The following KIAA0825 variants were observed in gnomAD, a reference collection of about 807,000 sequenced individuals.
The protein encoded by KIAA0825 is uncharacterized protein KIAA0825.
In KIAA0825, 119 loss-of-function variants were observed where a neutral mutation model predicts 147.6. The ratio of observed to expected loss-of-function variants is 0.81; its 90% CI spans 0.69 to 0.94. The LOEUF (loss-of-function observed/expected upper bound fraction) is 0.94. KIAA0825 is among the 40% of genes least tolerant of loss of function. The probability of loss-of-function intolerance (pLI) is 0.00; values close to 1 mark genes in which losing one functional copy is unlikely to be tolerated. For missense variants in KIAA0825, 1,381 were observed against 1,472.7 expected, an observed-to-expected ratio of 0.94 and a Z score of 1.02; for synonymous variants, 470 against 518.1, an observed-to-expected ratio of 0.91 and a Z score of 1.26.
intron 1 of KIAA0825, among the ~76,000 whole-genome samples, chr5:94,614,738 T>G (rs1476226362): frequency 2.6e-5 from 4 of 152,148 alleles, no homozygotes; most frequent in Non-Finnish European, 2.9e-5. Flanking sequence ...TGCATTCCCA[T>G]GTTTTGTGTT....
At chr5:94,570,478 A>G (rs1779757309) in intron 2 of KIAA0825, 1 of 152,372 alleles carries the variant, frequency 6.6e-6, no homozygotes, top group Admixed American at 6.5e-5. Context: ...CCAAACAACA[A>G]AGCATAATAT....
In KIAA0825 at chr5:94,503,548, C is replaced by T. The variant is rs547761595; in HGVS notation, c.970+16700G>A. Reference sequence around the variant, plus strand: ...GACGGCCCCTGGTGAGACCCCACTGCCTTACAAATCAGGACACATGTCCTC... The same window carrying T: ...GACGGCCCCTGGTGAGACCCCACTGTCTTACAAATCAGGACACATGTCCTC... On this transcript the variant is annotated intron_variant, in intron 5 of 20. Transcript: ENST00000682413. Among the ~76,000 whole-genome samples, 7 of 152,234 alleles carry T rather than the reference C, an allele frequency of 4.6e-5. No individual in the cohort carries two copies. The South Asian group carries it at 1.2e-3, about 27-fold the overall frequency.
At chr5:94,223,522 A>T (rs1477140989) in intron 20 of KIAA0825, among the ~76,000 whole-genome samples, 5 of 152,190 alleles carry the variant, frequency 3.3e-5, no homozygotes, top group Non-Finnish European at 7.4e-5. Flanking sequence ...CCTACAGGAA[A>T]CAGAAGCCAC....
chr5:94,199,490 AG>A (rs1389566295), intron 20 of KIAA0825, among the ~76,000 whole-genome samples: 1 of 152,082 alleles, frequency 6.6e-6, no homozygotes, highest in Admixed American at 6.5e-5. Flanking sequence ...CTGATGGGGA[AG>A]GGGGGTGTGG....
intron 1 of KIAA0825, among the ~76,000 whole-genome samples, chr5:94,607,632 A>C (rs943035195): frequency 6.6e-6 from 1 of 152,084 alleles, no homozygotes; most frequent in Non-Finnish European, 1.5e-5. Context: ...CAAACAAACA[A>C]ACAAAAAACA....
intron 20 of KIAA0825, among the ~76,000 whole-genome samples, chr5:94,303,534 G>A (rs1250749604): frequency 6.6e-6 from 1 of 151,948 alleles, no homozygotes; most frequent in African/African-American, 2.4e-5. Flanking sequence ...TTTCACAAAA[G>A]CTATTTTAAA....
chr5:94,352,884 G>A (rs370613175), intron 20 of KIAA0825, among the ~76,000 whole-genome samples: 57 of 151,264 alleles, frequency 3.8e-4, no homozygotes, highest in Middle Eastern at 6.8e-3. Context: ...ATGAGGATGC[G>A]AAGGCATAAG....
At chr5:94,217,170 G>A (rs909024002) in intron 20 of KIAA0825, among the ~76,000 whole-genome samples, 1 of 152,024 alleles carries the variant, frequency 6.6e-6, no homozygotes, top group African/African-American at 2.4e-5. Context: ...ACCAAAGGAA[G>A]CATTTAAAAT....
At chr5:94,271,449 C>G (rs1278976457) in intron 20 of KIAA0825, among the ~76,000 whole-genome samples, 1 of 151,992 alleles carries the variant, frequency 6.6e-6, no homozygotes, top group Non-Finnish European at 1.5e-5. Flanking sequence ...TAAAAATGAT[C>G]AAAAGATCTG....
intron 2 of KIAA0825, among the ~76,000 whole-genome samples, chr5:94,558,131 C>T (rs1292726895): frequency 1.3e-5 from 2 of 152,156 alleles, no homozygotes; most frequent in South Asian, 2.1e-4. Context: ...AGAGCTATAA[C>T]ACTCACCGCA....
At chr5:94,247,613 C>A (rs1235102153) in intron 20 of KIAA0825, among the ~76,000 whole-genome samples, 1 of 152,086 alleles carries the variant, frequency 6.6e-6, no homozygotes, top group Admixed American at 6.6e-5. Context: ...TTATCCAGCA[C>A]GTATTTTGCT....
chr5:94,379,021 T>G (rs185937650), intron 20 of KIAA0825, among the ~76,000 whole-genome samples: 1 of 152,354 alleles, frequency 6.6e-6, no homozygotes, highest in East Asian at 1.9e-4. Context: ...GTCAGATGCA[T>G]AGTTTGCAAG....
At chr5:94,172,389 A>G (rs970745558) in intron 20 of KIAA0825, among the ~76,000 whole-genome samples, 9 of 152,240 alleles carry the variant, frequency 5.9e-5, no homozygotes, top group Non-Finnish European at 1.3e-4. Context: ...ATGCAGAGCT[A>G]TTGACTGGCT....
intron 20 of KIAA0825, among the ~76,000 whole-genome samples, chr5:94,331,917 T>C (rs928395964): frequency 2.0e-5 from 3 of 151,720 alleles, no homozygotes; most frequent in African/African-American, 7.3e-5. Context: ...GAGGCTGAGG[T>C]GGGTGGACCT....
chr5:94,561,948 A>G (rs1005502610), intron 2 of KIAA0825, among the ~76,000 whole-genome samples: 21 of 152,194 alleles, frequency 1.4e-4, no homozygotes, highest in African/African-American at 4.8e-4. Context: ...TTAAACAGAA[A>G]AAAGTCACCT....
chr5:94,612,699 C>T (rs1335220702), intron 1 of KIAA0825, among the ~76,000 whole-genome samples: 1 of 152,172 alleles, frequency 6.6e-6, no homozygotes, highest in Non-Finnish European at 1.5e-5. Context: ...ATGAAGACAT[C>T]ATCATTCCCA....
chr5:94,449,026 G>T (rs1758069321), intron 13 of KIAA0825, among the ~76,000 whole-genome samples: 2 of 152,040 alleles, frequency 1.3e-5, no homozygotes, highest in Non-Finnish European at 2.9e-5. Flanking sequence ...TGGGCAGGGG[G>T]GATATCAGTG....
intron 20 of KIAA0825, among the ~76,000 whole-genome samples, chr5:94,365,335 A>G (rs1745694119): frequency 6.6e-6 from 1 of 152,210 alleles, no homozygotes; most frequent in African/African-American, 2.4e-5. Flanking sequence ...TATTTACCCC[A>G]GACAACAATG....
At chr5:94,552,207 A>T (rs540554607) in intron 2 of KIAA0825, among the ~76,000 whole-genome samples, 1 of 152,194 alleles carries the variant, frequency 6.6e-6, no homozygotes, top group South Asian at 2.1e-4. Context: ...GGATCGGTTT[A>T]GCAAAAGTAT....
Sources: gnomAD v4.1 joint callset for allele counts (sites outside exome capture counted in the v4.1 genomes callset) on GRCh38, gnomAD v4.1.1 for gene constraint, MANE v1.5 for transcripts, NCBI Gene and HGNC (gene_info 2026-07-23, HGNC 2026-07-21) for gene names.